The following ARID1B variants were observed in gnomAD, a reference collection of about 807,000 sequenced individuals.
The protein encoded by ARID1B is AT-rich interactive domain-containing protein 1B.
A neutral mutation model predicts 212.3 loss-of-function variants in ARID1B; 30 were observed. The ratio of observed to expected loss-of-function variants is 0.14; its 90% CI spans 0.11 to 0.19. The LOEUF is 0.19. ARID1B is among the 10% of genes least tolerant of loss of function. The pLI, the probability that ARID1B is intolerant of heterozygous loss-of-function variation, is 1.00. For synonymous variants in ARID1B, 1,402 were observed against 1,301.7 expected (o/e 1.08, Z -1.66); for missense variants, 2,891 against 3,204.0 (o/e 0.90, Z 2.36).
At chr6:157,192,324 C>T (rs989899309) in intron 15 of ARID1B, among the ~76,000 whole-genome samples, 5 of 152,154 alleles carry the variant, frequency 3.3e-5, no homozygotes, top group African/African-American at 1.2e-4. Flanking sequence ...CCCACCGATA[C>T]ACCACATTAG....
intron 2 of ARID1B, among the ~76,000 whole-genome samples, chr6:156,838,101 T>C (rs1274811443): frequency 1.3e-5 from 2 of 152,230 alleles, no homozygotes; most frequent in Non-Finnish European, 2.9e-5. Context: ...TTTATTGATA[T>C]TGACTTGGTA....
intron 2 of ARID1B, among the ~76,000 whole-genome samples, chr6:156,830,483 C>T (rs1783070405): frequency 6.6e-6 from 1 of 152,230 alleles, no homozygotes; most frequent in South Asian, 2.1e-4. Context: ...TTACATGATA[C>T]ATAGCTGTAT....
chr6:157,171,022 C>T (rs1791684010), intron 9 of ARID1B, among the ~76,000 whole-genome samples: 1 of 152,210 alleles, frequency 6.6e-6, no homozygotes, highest in South Asian at 2.1e-4. Context: ...ACCTATTTCA[C>T]CATCTTCTGG....
At position 156,855,927 on chromosome 6, in the gene ARID1B, GTGGTT is replaced by G. The variant is rs1784896290; in HGVS notation, c.1986+26509_1986+26513del. 2.0e-5 allele frequency among the ~76,000 whole-genome samples: 3 copies of G among 152,176 alleles called. No individual in the cohort carries two copies. In the South Asian group the frequency reaches 6.2e-4, roughly 31 times the overall value. Reference sequence around the variant, plus strand: ...TACCAGTATGAGAATAAAGATTATAGTGGTTTGTTCTCTGTTATCAAAATTTTCAG... The same window carrying G: ...TACCAGTATGAGAATAAAGATTATAGTGTTCTCTGTTATCAAAATTTTCAG... On this transcript the variant is annotated intron_variant, in intron 2 of 19. Transcript: ENST00000636930.
At chr6:156,809,571 C>T (rs1053935424) in intron 1 of ARID1B, among the ~76,000 whole-genome samples, 1 of 152,014 alleles carries the variant, frequency 6.6e-6, no homozygotes, top group African/African-American at 2.4e-5. Flanking sequence ...GAAACCCAGT[C>T]AGAATTGTAA....
intron 4 of ARID1B, among the ~76,000 whole-genome samples, chr6:156,968,781 T>G (rs184668507): frequency 6.6e-6 from 1 of 152,318 alleles, no homozygotes; most frequent in East Asian, 1.9e-4. Flanking sequence ...GAAATGGGAG[T>G]CAAGGCTCCT....
chr6:157,184,710 C>T (rs1482085110), intron 13 of ARID1B: 1 of 512,790 alleles, frequency 2.0e-6, no homozygotes, highest in Non-Finnish European at 3.5e-6. Context: ...GAATTCTAAG[C>T]CATATACGTT....
At chr6:156,806,264 G>C (rs995151495) in intron 1 of ARID1B, among the ~76,000 whole-genome samples, 2 of 152,164 alleles carry the variant, frequency 1.3e-5, no homozygotes, top group African/African-American at 4.8e-5. Flanking sequence ...AATAAAAAAA[G>C]CAAAGGCTTA....
chr6:156,812,477 G>A (rs1781618772), intron 1 of ARID1B, among the ~76,000 whole-genome samples: 2 of 151,982 alleles, frequency 1.3e-5, no homozygotes, highest in South Asian at 4.1e-4. Flanking sequence ...GTATTTATAA[G>A]CTTATTTTTG....
rs4869896 is a variant in ARID1B at position 156,844,047 on chromosome 6, C to T, written c.1986+14626C>T. 1.5e-3 allele frequency among the ~76,000 whole-genome samples: 223 copies of T among 152,208 alleles called. 2 individuals carry two copies. Among genetic ancestry groups the T allele is most frequent in the Non-Finnish European group, 2.6e-3 (180 of 68,014 alleles). ...GTAGGTAGAGTGTGCTTTTCAAGTT[C>T]AATTAGATTGTAAAGGGGTCTTTGT... On this transcript the variant is annotated intron_variant, in intron 2 of 19. Transcript: ENST00000636930.
At chr6:157,166,426 C>T (rs1049368839) in intron 8 of ARID1B, 3 of 152,292 alleles carry the variant, frequency 2.0e-5, no homozygotes, top group South Asian at 2.1e-4. Flanking sequence ...TCCTCTGTAA[C>T]GTAAAAAGCC....
At position 156,778,641 on chromosome 6, in the gene ARID1B, G is replaced by T. The variant is rs1268089519; in HGVS notation, c.961G>T (p.Ala321Ser). ...PEFNNYYGSA[A>S]PASGGPGGRA... is the part of the protein sequence containing the mutation. ...GTTTAATAATTACTATGGCAGCGCT[G>T]CCCCTGCGAGCGGCGGCCCCGGCGG... The change falls in exon 1 of 20, where the codon GCC (alanine) becomes TCC (serine). Residue 321 changes from alanine (A) to serine (S), a missense_variant. Ala to Ser is a moderately conservative substitution (Grantham distance 99). Transcript: ENST00000636930. The T allele has an allele frequency of 6.8e-6, 10 of 1,474,572 alleles. 1 individual carries two copies. The highest frequency in any genetic ancestry group is 2.0e-4 in the Middle Eastern group (1 of 5,100). The allele number at this position is 1,474,572 out of a possible 1,614,324, so 91.3% of individuals were successfully genotyped here.
intron 2 of ARID1B, among the ~76,000 whole-genome samples, chr6:156,896,109 C>A (rs1408185145): frequency 6.6e-6 from 1 of 152,066 alleles, no homozygotes; most frequent in African/African-American, 2.4e-5. Context: ...TTAACTTTTC[C>A]CATTTACCTT....
intron 6 of ARID1B, among the ~76,000 whole-genome samples, chr6:157,125,626 C>T (rs1041345599): frequency 6.6e-6 from 1 of 152,240 alleles, no homozygotes; most frequent in African/African-American, 2.4e-5. Context: ...AAACCTTCCA[C>T]CATCCCAGTC....
intron 4 of ARID1B, chr6:157,036,640 A>G: frequency 2.9e-6 from 1 of 340,782 alleles, no homozygotes; most frequent in East Asian, 6.4e-5. Flanking sequence ...TAGAACTGAA[A>G]CCCAGACGGT....
At chr6:156,813,107 T>TACACAC (rs1781720022) in intron 1 of ARID1B, among the ~76,000 whole-genome samples, 3 of 89,724 alleles carry the variant, frequency 3.3e-5, no homozygotes. Context: ...CATATATATA[T>TACACAC]ATTTTTTTTT....
chr6:156,965,020 A>G (rs145910748), intron 4 of ARID1B, among the ~76,000 whole-genome samples: 26 of 152,352 alleles, frequency 1.7e-4, no homozygotes, highest in African/African-American at 5.3e-4. Flanking sequence ...TTACCTTTCA[A>G]ATGAATATTT....
At position 157,206,466 on chromosome 6, in the gene ARID1B, G is replaced by C; in HGVS notation, c.5694G>C (p.Lys1898Asn). Residue 1898 changes from lysine to asparagine, a missense_variant, in exon 20 of 20, where the codon AAG becomes AAC. By Grantham distance (94) the Lys-to-Asn change is moderately conservative. Transcript: ENST00000636930. This position sits in a 1 kb window ranked among gnomAD's most constrained non-coding sequence, Gnocchi z 6.8. ...LTAPDAAADP[K>N]EKPKQASKFD... The stretch of plus-strand genomic sequence containing the variant: ...CCCCGGACGCCGCTGCAGACCCAAA[G>C]GAGAAGCCCAAGCAAGCCAGTAAGT... The C allele has an allele frequency of 6.2e-7, 1 of 1,614,078 alleles. No homozygotes were observed. The highest frequency in any genetic ancestry group is 8.5e-7 in the Non-Finnish European group (1 of 1,180,050).
At chr6:156,867,287 G>T (rs1019817138) in intron 2 of ARID1B, among the ~76,000 whole-genome samples, 5 of 152,218 alleles carry the variant, frequency 3.3e-5, no homozygotes, top group African/African-American at 1.2e-4. Context: ...ACTGGCGGCA[G>T]TCCTGTGCTG....
Sources: gnomAD v4.1 joint callset for allele counts (sites outside exome capture counted in the v4.1 genomes callset) on GRCh38, gnomAD v4.1.1 for gene constraint, Gnocchi (gnomAD v3.1) non-coding constraint, MANE v1.5 for transcripts, NCBI Gene and HGNC (gene_info 2026-07-23, HGNC 2026-07-21) for gene names.